IGF1R: variants seen among roughly 807,000 people sequenced by gnomAD.
IGF1R encodes the protein insulin-like growth factor 1 receptor.
Under a neutral mutation model 144.6 loss-of-function variants are expected in IGF1R, and 44 were observed. That is an observed-to-expected ratio of 0.30 (90% CI 0.24 to 0.39). The LOEUF (loss-of-function observed/expected upper bound fraction) is 0.39, where lower values mean the gene tolerates loss of function less well. Ranked by LOEUF, IGF1R falls within the 10% of genes least tolerant of loss-of-function variation. The pLI, the probability that IGF1R is intolerant of heterozygous loss-of-function variation, is 1.00. For synonymous variants in IGF1R, 795 were observed against 722.8 expected, an observed-to-expected ratio of 1.10 and a Z score of -1.60; for missense variants, 1,355 against 1,833.7, an observed-to-expected ratio of 0.74 and a Z score of 4.77.
At chr15:98,758,145 T>A (rs1289753054) in intron 2 of IGF1R, among the ~76,000 whole-genome samples, 1 of 152,190 alleles carries the variant, frequency 6.6e-6, no homozygotes, top group Non-Finnish European at 1.5e-5. Context: ...TTCTTCTTAA[T>A]CCTCCAGAAT....
At chr15:98,688,009 C>T (rs1033315008) in intron 1 of IGF1R, among the ~76,000 whole-genome samples, 3 of 152,070 alleles carry the variant, frequency 2.0e-5, no homozygotes, top group South Asian at 4.1e-4. Flanking sequence ...TGAACTGCAG[C>T]GGTGTCTTGT....
intron 19 of IGF1R, among the ~76,000 whole-genome samples, chr15:98,944,116 C>T (rs1309705032): frequency 6.6e-6 from 1 of 152,126 alleles, no homozygotes; most frequent in Non-Finnish European, 1.5e-5. Flanking sequence ...AGAGAGCAAG[C>T]CTGGGTATGT....
chr15:98,866,897 T>C (rs1007590869), intron 2 of IGF1R, among the ~76,000 whole-genome samples: 1 of 152,190 alleles, frequency 6.6e-6, no homozygotes, highest in African/African-American at 2.4e-5. Context: ...GGAAGTGTTT[T>C]TGTTTTTGTG....
chr15:98,844,446 C>T (rs1391193414), intron 2 of IGF1R, among the ~76,000 whole-genome samples: 3 of 152,110 alleles, frequency 2.0e-5, no homozygotes, highest in African/African-American at 7.2e-5. Context: ...GCCAAAAAAA[C>T]TATTTACGGT....
chr15:98,916,010 T>C lies in IGF1R; in HGVS notation c.1875T>C (p.Ser625=), dbSNP rs946355827. 1.2e-6 allele frequency: 2 copies of C among 1,614,054 alleles called. No individual in the cohort carries two copies. Among genetic ancestry groups the C allele is most frequent in the Admixed American group, 3.3e-5 (2 of 60,022 alleles). The part of the protein sequence containing the change: ...LDVLSASNSS[S]QLIVKWNPPS... ...TTCTTTCAGCATCGAACTCCTCTTCTCAGTTAATCGTGAAGTGGAACCCTC... is the reference window on the plus strand; with the variant it reads ...TTCTTTCAGCATCGAACTCCTCTTCCCAGTTAATCGTGAAGTGGAACCCTC... The change falls in exon 9 of 21, where the codon TCT becomes TCC. Residue 625 remains serine (S), a synonymous_variant. Transcript: ENST00000650285.
intron 2 of IGF1R, among the ~76,000 whole-genome samples, chr15:98,862,514 C>G (rs943135540): frequency 1.4e-4 from 21 of 152,176 alleles, no homozygotes; most frequent in African/African-American, 4.8e-4. Context: ...CAGTATTTCT[C>G]TAGGAATCAT....
In IGF1R at chr15:98,850,679, A is replaced by G. The variant is rs2011494804; in HGVS notation, c.641-40646A>G. On this transcript the variant is annotated intron_variant, in intron 2 of 20. Coordinates refer to ENST00000650285, the MANE Select transcript of IGF1R (RefSeq NM_000875.5). ...AAGCATAACTGGCAGAGGAAGCAGCATACGTTACAAGTAACTGCATGTGTA... is the reference window on the plus strand; with the variant it reads ...AAGCATAACTGGCAGAGGAAGCAGCGTACGTTACAAGTAACTGCATGTGTA... Among the ~76,000 whole-genome samples the G allele has an allele frequency of 2.6e-5, 4 of 152,336 alleles. No homozygotes were observed. In the South Asian group the frequency reaches 8.3e-4, roughly 32 times the overall value.
At chr15:98,943,546 T>C (rs1283569278) in intron 19 of IGF1R, among the ~76,000 whole-genome samples, 1 of 152,252 alleles carries the variant, frequency 6.6e-6, no homozygotes, top group Non-Finnish European at 1.5e-5. Flanking sequence ...TCCACCGTTG[T>C]GGACCCAGGG....
At chr15:98,800,406 C>A (rs190898834) in intron 2 of IGF1R, among the ~76,000 whole-genome samples, 8 of 152,218 alleles carry the variant, frequency 5.3e-5, no homozygotes, top group Admixed American at 3.9e-4. Flanking sequence ...GAAAAAATTA[C>A]CTCTTTGGGA....
chr15:98,878,296 T>C (rs528670070), intron 2 of IGF1R, among the ~76,000 whole-genome samples: 10 of 152,328 alleles, frequency 6.6e-5, no homozygotes, highest in Admixed American at 5.9e-4. Context: ...GAGCCCACAA[T>C]ACCTCACATA....
At chr15:98,665,250 A>G (rs2052708028) in intron 1 of IGF1R, among the ~76,000 whole-genome samples, 1 of 152,080 alleles carries the variant, frequency 6.6e-6, no homozygotes, top group South Asian at 2.1e-4. Context: ...CGCGCCCGGC[A>G]GGAACCCAGC....
At chr15:98,723,671 T>C (rs937962659) in intron 2 of IGF1R, among the ~76,000 whole-genome samples, 3 of 152,234 alleles carry the variant, frequency 2.0e-5, no homozygotes, top group Admixed American at 1.3e-4. Context: ...ATCATGATGC[T>C]GATTGCTGTC....
At chr15:98,769,427 A>C (rs1162690723) in intron 2 of IGF1R, among the ~76,000 whole-genome samples, 1 of 152,222 alleles carries the variant, frequency 6.6e-6, no homozygotes, top group Non-Finnish European at 1.5e-5. Flanking sequence ...GTAAGAACTC[A>C]TAAAGCTGTA....
intron 8 of IGF1R, among the ~76,000 whole-genome samples, chr15:98,915,755 C>T (rs574626101): frequency 1.3e-5 from 2 of 152,076 alleles, no homozygotes; most frequent in Non-Finnish European, 2.9e-5. Context: ...CAGAGATTAC[C>T]GGAGGAAATA....
intron 6 of IGF1R, among the ~76,000 whole-genome samples, chr15:98,910,263 G>A (rs562305605): frequency 1.7e-4 from 26 of 152,296 alleles, no homozygotes; most frequent in African/African-American, 5.5e-4. Flanking sequence ...TAGTAAAATC[G>A]GATGTATCCG....
intron 5 of IGF1R, among the ~76,000 whole-genome samples, chr15:98,901,349 G>T (rs1426578409): frequency 2.6e-5 from 4 of 152,174 alleles, no homozygotes; most frequent in Non-Finnish European, 5.9e-5. Flanking sequence ...CTTCTAAGAG[G>T]CTCTTTCTTG....
At chr15:98,677,766 C>T (rs974474946) in intron 1 of IGF1R, among the ~76,000 whole-genome samples, 2 of 152,190 alleles carry the variant, frequency 1.3e-5, no homozygotes, top group African/African-American at 4.8e-5. Flanking sequence ...GGTCAGCAAG[C>T]GCTGCTCAGC....
chr15:98,822,074 A>G (rs2056813803), intron 2 of IGF1R, among the ~76,000 whole-genome samples: 1 of 152,218 alleles, frequency 6.6e-6, no homozygotes, highest in African/African-American at 2.4e-5. Flanking sequence ...AGTCAATGAG[A>G]TTACAAGAAA....
intron 2 of IGF1R, among the ~76,000 whole-genome samples, chr15:98,887,654 A>G (rs1159614091): frequency 6.6e-6 from 1 of 152,224 alleles, no homozygotes; most frequent in Non-Finnish European, 1.5e-5. Context: ...AGATGGGTGT[A>G]TGCTTAATAC....
Sources: gnomAD v4.1 joint callset for allele counts (sites outside exome capture counted in the v4.1 genomes callset) on GRCh38, gnomAD v4.1.1 for gene constraint, MANE v1.5 for transcripts, NCBI Gene and HGNC (gene_info 2026-07-23, HGNC 2026-07-21) for gene names.